The following PIEZO2 variants were observed in gnomAD, a reference collection of about 807,000 sequenced individuals.
PIEZO2 encodes the protein piezo type mechanosensitive ion channel component 2.
A neutral mutation model predicts 337.3 loss-of-function variants in PIEZO2; 172 were observed. The observed-to-expected ratio is 0.51, with a 90% CI of 0.45 to 0.58. PIEZO2 has a LOEUF of 0.58. PIEZO2 is among the 20% of genes least tolerant of loss of function. The pLI is 0.00. For synonymous variants in PIEZO2, 1,251 were observed against 1,228.5 expected, an observed-to-expected ratio of 1.02 and a Z score of -0.38; for missense variants, 3,028 against 3,391.3, an observed-to-expected ratio of 0.89 and a Z score of 2.66.
chr18:10,692,822 T>C (rs971060170), intron 47 of PIEZO2, among the ~76,000 whole-genome samples: 3 of 152,196 alleles, frequency 2.0e-5, no homozygotes, highest in Non-Finnish European at 2.9e-5. Flanking sequence ...ACTGTTCTTT[T>C]TCAAAGTTCT....
intron 2 of PIEZO2, among the ~76,000 whole-genome samples, chr18:11,000,956 C>A (rs2035511360): frequency 6.6e-6 from 1 of 152,206 alleles, no homozygotes; most frequent in African/African-American, 2.4e-5. Context: ...CCACCCCCAG[C>A]ACTGACCAGA....
At chr18:11,124,275 A>G (rs1013270208) in intron 1 of PIEZO2, among the ~76,000 whole-genome samples, 1 of 152,212 alleles carries the variant, frequency 6.6e-6, no homozygotes, top group Non-Finnish European at 1.5e-5. Flanking sequence ...TCGTTTGGCT[A>G]CTTTCCATTC....
In PIEZO2 at chr18:10,982,369, T is replaced by TAA. The variant is rs146082360; in HGVS notation, c.161-2711_161-2710dup. 6.7e-6 allele frequency among the ~76,000 whole-genome samples: 1 copy of TAA among 148,568 alleles called. No individual in the cohort carries two copies. The highest frequency in any genetic ancestry group is 1.5e-5 in the Non-Finnish European group (1 of 66,902). ...CTTAAGACCGTTCTTGACAAAATTG[T>TAA]AAAAAAAAAATAGAAAAACAAATAA... On this transcript the variant is annotated intron_variant, in intron 2 of 55. Transcript: ENST00000674853. This position sits in a 1 kb window ranked among gnomAD's most constrained non-coding sequence, Gnocchi z 4.1.
At chr18:10,802,244 T>TC (rs1245722705) in intron 9 of PIEZO2, among the ~76,000 whole-genome samples, 2 of 152,166 alleles carry the variant, frequency 1.3e-5, no homozygotes, top group Non-Finnish European at 2.9e-5. Flanking sequence ...GATTTGGGCT[T>TC]CCCCCAAATA....
chr18:10,720,234 G>GTGTGTGTGTATATATATA (rs1225106343), intron 36 of PIEZO2, among the ~76,000 whole-genome samples: 2 of 119,912 alleles, frequency 1.7e-5, no homozygotes, highest in East Asian at 2.9e-4. Context: ...GTGTGTGTGT[G>GTGTGTGTGTATATATATA]TATATATATA....
chr18:11,132,093 G>A lies in PIEZO2; in HGVS notation c.64+16432C>T, dbSNP rs974903471. On this transcript the variant is annotated intron_variant, in intron 1 of 55. Coordinates refer to ENST00000674853, the MANE Select transcript of PIEZO2 (RefSeq NM_001378183.1). This position sits in a 1 kb window ranked among gnomAD's most constrained non-coding sequence, Gnocchi z 4.7. Reference sequence around the variant, plus strand: ...TGATCAGCCAGCTACCTGGTGGCTGGTTGATTATATTGGACCTCTTCCAAC... The same window carrying A: ...TGATCAGCCAGCTACCTGGTGGCTGATTGATTATATTGGACCTCTTCCAAC... Among the ~76,000 whole-genome samples, 18 of 152,156 alleles carry A rather than the reference G, an allele frequency of 1.2e-4. No homozygotes were observed. Among genetic ancestry groups the A allele is most frequent in the African/African-American group, 4.3e-4 (18 of 41,440 alleles).
rs375966918 is a variant in PIEZO2 at position 10,784,827 on chromosome 18, C to G, written c.2449G>C (p.Asp817His). 34 of 1,537,476 alleles carry G rather than the reference C, an allele frequency of 2.2e-5. No individual in the cohort carries two copies. In the Admixed American group the frequency reaches 2.4e-4, roughly 11 times the overall value. Residue 817 changes from aspartate to histidine, a missense_variant, in exon 17 of 56, where the codon GAC (aspartate) becomes CAC (histidine). This residue lies in a region of PIEZO2 where 1,925 missense variants were observed against 2,051.9 expected (regional missense o/e 0.94). Coordinates refer to ENST00000674853, the MANE Select transcript of PIEZO2 (RefSeq NM_001378183.1). This position sits in a 1 kb window ranked among gnomAD's most constrained non-coding sequence, Gnocchi z 4.5. ...YFHDRFLELT[D>H]LKSIPSKEDN... ...TCTTTGCTGGGAATGGACTTGAGGTCTGTGAGTTCAAGGAACCGGTCATGG... is the reference window on the plus strand; with the variant it reads ...TCTTTGCTGGGAATGGACTTGAGGTGTGTGAGTTCAAGGAACCGGTCATGG...
In PIEZO2 at chr18:10,682,100, T is replaced by A; in HGVS notation, c.7686+4A>T. The A allele has an allele frequency of 6.5e-7, 1 of 1,534,108 alleles. No individual in the cohort carries two copies. Among genetic ancestry groups the A allele is most frequent in the Non-Finnish European group, 8.7e-7 (1 of 1,145,262 alleles). Reference sequence around the variant, plus strand: ...CTGGTAGGTGGGGTGTGCACAGAGATCACCTGATACCCTCCCAGGGTAATT... The same window carrying A: ...CTGGTAGGTGGGGTGTGCACAGAGAACACCTGATACCCTCCCAGGGTAATT... On this transcript the variant is annotated splice_donor_region_variant and intron_variant, in intron 50 of 55. Coordinates refer to ENST00000674853, the MANE Select transcript of PIEZO2 (RefSeq NM_001378183.1). The surrounding 1 kb of genome is among the most constrained non-coding windows in gnomAD (Gnocchi z 5.6).
At chr18:10,869,904 C>A (rs1172482943) in intron 5 of PIEZO2, among the ~76,000 whole-genome samples, 2 of 152,142 alleles carry the variant, frequency 1.3e-5, no homozygotes, top group Non-Finnish European at 2.9e-5. Flanking sequence ...AAGACAGAGT[C>A]TCGCTCTGTC....
rs1214124813 is a variant in PIEZO2 at position 10,877,696 on chromosome 18, G to C, written c.330-6281C>G. Among the ~76,000 whole-genome samples, 1 of 152,110 alleles carries C rather than the reference G, an allele frequency of 6.6e-6. No individual in the cohort carries two copies. The highest frequency in any genetic ancestry group is 2.4e-5 in the African/African-American group (1 of 41,436). The stretch of plus-strand genomic sequence containing the variant: ...TGGGTGACGGTAGCAGCATCCTGAT[G>C]ATTTCATCTCAGGTTGTCCCCTCTG... On this transcript the variant is annotated intron_variant, in intron 4 of 55. Transcript: ENST00000674853. This position sits in a 1 kb window ranked among gnomAD's most constrained non-coding sequence, Gnocchi z 5.3.
At chr18:10,851,530 G>T (rs976257332) in intron 7 of PIEZO2, among the ~76,000 whole-genome samples, 1 of 152,106 alleles carries the variant, frequency 6.6e-6, no homozygotes, top group African/African-American at 2.4e-5. Context: ...GAGCAAATAT[G>T]ATGTTATTAC....
intron 20 of PIEZO2, among the ~76,000 whole-genome samples, chr18:10,770,676 T>G (rs1423559374): frequency 6.6e-6 from 1 of 152,156 alleles, no homozygotes; most frequent in African/African-American, 2.4e-5. Context: ...AGTGGCATGA[T>G]CAACATTATT....
Position 10,744,287 on chromosome 18 carries a change from T to C in PIEZO2, c.4425-56A>G, listed in dbSNP as rs2037339742. 7.0e-6 allele frequency: 8 copies of C among 1,145,992 alleles called. No homozygotes were observed. In the South Asian group the frequency reaches 8.1e-5, roughly 12 times the overall value. The allele number at this position is 1,145,992 out of a possible 1,614,324, so 71.0% of individuals were successfully genotyped here. ...AATATTCTTGCCATTGTTGTTCCCC[T>C]TTTCCTGAAAATTATTACTAAGGGT... is the stretch of plus-strand genomic sequence containing the variant. On this transcript the variant is annotated intron_variant, in intron 30 of 55. Transcript: ENST00000674853.
chr18:10,689,537 A>G lies in PIEZO2; in HGVS notation c.7497+118T>C, dbSNP rs2034704784. ...GGTTGGAAATCACTGGGACATTTAT[A>G]GGTTGTGGTAGTTTTTGCCTCATGC... On this transcript the variant is annotated intron_variant, in intron 49 of 55. Coordinates refer to ENST00000674853, the MANE Select transcript of PIEZO2 (RefSeq NM_001378183.1). 17 of 1,321,354 alleles carry G rather than the reference A, an allele frequency of 1.3e-5. No homozygotes were observed. The Admixed American group carries it at 2.9e-4, about 22-fold the overall frequency. 81.9% of individuals were successfully genotyped at this position (1,321,354 alleles called of 1,614,324 possible). A position where few individuals can be genotyped will look rare whatever the true frequency, so the allele number is the denominator to read the frequency against.
Position 10,724,118 on chromosome 18 carries a change from C to T in PIEZO2, c.5030-5859G>A, listed in dbSNP as rs1431141118. Among the ~76,000 whole-genome samples the T allele has an allele frequency of 6.6e-6, 1 of 152,154 alleles. No individual in the cohort carries two copies. Among genetic ancestry groups the T allele is most frequent in the Non-Finnish European group, 1.5e-5 (1 of 68,016 alleles). On this transcript the variant is annotated intron_variant, in intron 36 of 55. Coordinates refer to ENST00000674853, the MANE Select transcript of PIEZO2 (RefSeq NM_001378183.1). The surrounding 1 kb of genome is among the most constrained non-coding windows in gnomAD (Gnocchi z 5.8). ...GAGTGCTGAGCACAGAGATTAGAATCATGAATAAGGGGCTCAGTCCTTGCC... is the reference window on the plus strand; with the variant it reads ...GAGTGCTGAGCACAGAGATTAGAATTATGAATAAGGGGCTCAGTCCTTGCC...
At chr18:11,025,369 G>A (rs1448951266) in intron 2 of PIEZO2, among the ~76,000 whole-genome samples, 3 of 152,228 alleles carry the variant, frequency 2.0e-5, no homozygotes, top group East Asian at 1.9e-4. Flanking sequence ...TTTGTTTGAT[G>A]GGAAATGCTT....
At chr18:11,043,241 A>ACG (rs200620888) in intron 2 of PIEZO2, among the ~76,000 whole-genome samples, 614 of 52,604 alleles carry the variant, frequency 0.012, 6 homozygotes, top group East Asian at 0.061. Context: ...CTCCCTTTAA[A>ACG]CGCACACACA....
intron 49 of PIEZO2, among the ~76,000 whole-genome samples, chr18:10,689,163 T>C (rs2034686614): frequency 6.6e-6 from 1 of 152,208 alleles, no homozygotes; most frequent in Admixed American, 6.5e-5. Context: ...TTCTGAGAAG[T>C]GCAATAAATA....
At position 10,857,136 on chromosome 18, in the gene PIEZO2, C is replaced by T. The variant is rs914259854; in HGVS notation, c.568G>A (p.Gly190Ser). 28 of 1,537,890 alleles carry T rather than the reference C, an allele frequency of 1.8e-5. No individual in the cohort carries two copies. The highest frequency in any genetic ancestry group is 2.4e-5 in the Non-Finnish European group (28 of 1,147,058). Reference sequence around the variant, plus strand: ...AACTTCGTGCTTTCTTCCAACTCGCCTTCAACACCATCTCCTCCATTGAAA... The same window carrying T: ...AACTTCGTGCTTTCTTCCAACTCGCTTTCAACACCATCTCCTCCATTGAAA... ...EDFNGGDGVE[G>S]ELEESTKLKM... is the part of the protein sequence containing the mutation. The change falls in exon 6 of 56, where the codon GGC becomes AGC. Residue 190 changes from glycine (G) to serine (S), a missense_variant. Gly to Ser is a moderately conservative substitution (Grantham distance 56, BLOSUM62 0). Coordinates refer to ENST00000674853, the MANE Select transcript of PIEZO2 (RefSeq NM_001378183.1).
Sources: gnomAD v4.1 joint callset for allele counts (sites outside exome capture counted in the v4.1 genomes callset) on GRCh38, gnomAD v4.1.1 for gene constraint, gnomAD v4.1.1 regional missense constraint, Gnocchi (gnomAD v3.1) non-coding constraint, MANE v1.5 for transcripts, NCBI Gene and HGNC (gene_info 2026-07-23, HGNC 2026-07-21) for gene names.